PKHD1: variants seen among roughly 807,000 people sequenced by gnomAD.
PKHD1 encodes fibrocystin.
A neutral mutation model predicts 412.0 loss-of-function variants in PKHD1; 291 were observed. The ratio of observed to expected loss-of-function variants is 0.71; its 90% confidence interval spans 0.64 to 0.78. The LOEUF (loss-of-function observed/expected upper bound fraction) is 0.78, where lower values mean the gene tolerates loss of function less well. PKHD1 is among the 30% of genes least tolerant of loss of function. The probability of loss-of-function intolerance (pLI) is 0.00; values close to 1 mark genes in which losing one functional copy is unlikely to be tolerated. For synonymous variants in PKHD1, 1,777 were observed against 1,821.5 expected (o/e 0.98, Z 0.62); for missense variants, 4,825 against 4,950.7 (o/e 0.97, Z 0.76).
chr6:51,686,675 A>G (rs1160235560), intron 60 of PKHD1, among the ~76,000 whole-genome samples: 1 of 152,212 alleles, frequency 6.6e-6, no homozygotes, highest in East Asian at 1.9e-4. Context: ...AGTAAGCCCT[A>G]TGAGAGCAGG....
At chr6:51,820,202 A>T (rs557704498) in intron 52 of PKHD1, among the ~76,000 whole-genome samples, 10 of 152,234 alleles carry the variant, frequency 6.6e-5, no homozygotes, top group African/African-American at 2.2e-4. Context: ...CCAAAAGGAA[A>T]CACCCCAATG....
intron 52 of PKHD1, among the ~76,000 whole-genome samples, chr6:51,791,836 A>G (rs1793806928): frequency 6.6e-6 from 1 of 152,174 alleles, no homozygotes; most frequent in Non-Finnish European, 1.5e-5. Context: ...TGCCTCGGTT[A>G]TCTCATCTGT....
intron 60 of PKHD1, among the ~76,000 whole-genome samples, chr6:51,708,929 A>G (rs1347472252): frequency 1.3e-5 from 2 of 152,248 alleles, no homozygotes; most frequent in Non-Finnish European, 2.9e-5. Flanking sequence ...GAAAGGGAAG[A>G]AAGAGCAGGA....
intron 43 of PKHD1, among the ~76,000 whole-genome samples, chr6:51,897,968 C>A (rs1217622783): frequency 6.6e-6 from 1 of 151,994 alleles, no homozygotes; most frequent in Admixed American, 6.6e-5. Flanking sequence ...AGTTAACTAT[C>A]CTAAATATAT....
intron 53 of PKHD1, among the ~76,000 whole-genome samples, chr6:51,787,066 A>C (rs968676642): frequency 6.6e-6 from 1 of 152,142 alleles, no homozygotes; most frequent in Admixed American, 6.6e-5. Flanking sequence ...GTTGCCTTAC[A>C]AGCAGGACCA....
chr6:52,024,000 C>T (rs1275190889), intron 32 of PKHD1, among the ~76,000 whole-genome samples: 2 of 152,188 alleles, frequency 1.3e-5, no homozygotes, highest in Non-Finnish European at 2.9e-5. Flanking sequence ...TGAACTATCT[C>T]AAGTGCAACA....
At chr6:52,008,139 C>T (rs1446469217) in intron 35 of PKHD1, among the ~76,000 whole-genome samples, 1 of 152,192 alleles carries the variant, frequency 6.6e-6, no homozygotes, top group Non-Finnish European at 1.5e-5. Flanking sequence ...CACACTGGCA[C>T]TAGACACATT....
intron 60 of PKHD1, among the ~76,000 whole-genome samples, chr6:51,715,122 C>A (rs940706239): frequency 2.0e-5 from 3 of 152,148 alleles, no homozygotes; most frequent in African/African-American, 7.2e-5. Flanking sequence ...TCTACCAAAG[C>A]TAGTCTCCTT....
intron 50 of PKHD1, among the ~76,000 whole-genome samples, chr6:51,837,375 A>C (rs190197509): frequency 6.6e-6 from 1 of 152,254 alleles, no homozygotes; most frequent in Admixed American, 6.5e-5. Flanking sequence ...CCTTTCCTCC[A>C]TCAGATGAAA....
intron 35 of PKHD1, among the ~76,000 whole-genome samples, chr6:51,969,540 G>A (rs1793347501): frequency 6.6e-6 from 1 of 152,050 alleles, no homozygotes; most frequent in South Asian, 2.1e-4. Context: ...GTAATTTCTT[G>A]TCCCACCTTC....
intron 60 of PKHD1, among the ~76,000 whole-genome samples, chr6:51,714,232 T>C (rs935142564): frequency 6.6e-6 from 1 of 152,074 alleles, no homozygotes; most frequent in Non-Finnish European, 1.5e-5. Flanking sequence ...TAGCCAGGTG[T>C]GGTGGCACAC....
At chr6:51,671,648 T>C (rs1774999853) in intron 60 of PKHD1, among the ~76,000 whole-genome samples, 1 of 152,190 alleles carries the variant, frequency 6.6e-6, no homozygotes, top group South Asian at 2.1e-4. Context: ...TTCCAGTTTC[T>C]GTGCTCTGTT....
chr6:51,749,098 A>G (rs1016473653), intron 57 of PKHD1, among the ~76,000 whole-genome samples: 2 of 152,242 alleles, frequency 1.3e-5, no homozygotes, highest in Non-Finnish European at 2.9e-5. Flanking sequence ...GCCATTCCCA[A>G]GAAGACACTG....
At chr6:51,784,329 C>T (rs893675803) in intron 53 of PKHD1, among the ~76,000 whole-genome samples, 1 of 152,152 alleles carries the variant, frequency 6.6e-6, no homozygotes, top group Non-Finnish European at 1.5e-5. Context: ...TTTAAGATAG[C>T]TAAAACAGCC....
At chr6:51,866,269 C>T (rs572302323) in intron 48 of PKHD1, among the ~76,000 whole-genome samples, 125 of 152,200 alleles carry the variant, frequency 8.2e-4, no homozygotes, top group Non-Finnish European at 1.6e-3. Context: ...AGTAGAGTGA[C>T]CAATCAGCCT....
At chr6:51,986,858 C>A (rs1276291414) in intron 35 of PKHD1, among the ~76,000 whole-genome samples, 1 of 152,150 alleles carries the variant, frequency 6.6e-6, no homozygotes, top group Non-Finnish European at 1.5e-5. Context: ...TGGAAATGGC[C>A]TTTATCCAAC....
At chr6:51,834,405 A>G (rs1202801329) in intron 51 of PKHD1, among the ~76,000 whole-genome samples, 4 of 152,190 alleles carry the variant, frequency 2.6e-5, no homozygotes, top group Non-Finnish European at 4.4e-5. Context: ...ATGACCATGG[A>G]CAATATGTGC....
chr6:51,810,136 TG>T (rs567678766), intron 52 of PKHD1, among the ~76,000 whole-genome samples: 2 of 152,132 alleles, frequency 1.3e-5, no homozygotes, highest in Non-Finnish European at 2.9e-5. Context: ...AATAAATTGT[TG>T]TTGAGTATTA....
intron 52 of PKHD1, among the ~76,000 whole-genome samples, chr6:51,801,540 AT>A (rs1762911330): frequency 6.6e-6 from 1 of 152,066 alleles, no homozygotes; most frequent in Non-Finnish European, 1.5e-5. Context: ...GGTCTTAAAA[AT>A]AGGCAGAAGA....
Sources: gnomAD v4.1 joint callset for allele counts (sites outside exome capture counted in the v4.1 genomes callset) on GRCh38, gnomAD v4.1.1 for gene constraint, MANE v1.5 for transcripts, NCBI Gene and HGNC (gene_info 2026-07-23, HGNC 2026-07-21) for gene names.